Variants in TBXAS1 observed in about 807,000 individuals in gnomAD.
TBXAS1 encodes the protein thromboxane A synthase 1, also known as thromboxane-A synthase.
A neutral mutation model predicts 60.7 loss-of-function variants in TBXAS1; 48 were observed. The observed-to-expected ratio is 0.79, with a 90% CI of 0.63 to 1.01. The LOEUF (loss-of-function observed/expected upper bound fraction) is 1.01, where lower values mean the gene tolerates loss of function less well. Among genes scored for constraint, TBXAS1 ranks in the 50% least tolerant of loss-of-function variants. The pLI is 0.00. For missense variants in TBXAS1, 685 were observed against 686.3 expected, an observed-to-expected ratio of 1.00 and a Z score of 0.02; for synonymous variants, 287 against 269.7, an observed-to-expected ratio of 1.06 and a Z score of -0.63.
At chr7:139,821,918 G>A (rs992789939) in intron 4 of TBXAS1, among the ~76,000 whole-genome samples, 3 of 152,194 alleles carry the variant, frequency 2.0e-5, no homozygotes, top group Non-Finnish European at 4.4e-5. Context: ...AATGCTGTAC[G>A]TCGTTTCCTG....
intron 4 of TBXAS1, among the ~76,000 whole-genome samples, chr7:139,794,195 G>A (rs570916567): frequency 5.3e-5 from 8 of 151,844 alleles, no homozygotes; most frequent in East Asian, 3.9e-4. Context: ...TCTGCCTCCC[G>A]GGTTTAAGCA....
At chr7:139,879,888 G>A (rs901959255) in intron 3 of TBXAS1, among the ~76,000 whole-genome samples, 1 of 141,270 alleles carries the variant, frequency 7.1e-6, no homozygotes, top group African/African-American at 2.6e-5. Context: ...GTTTTGTTTT[G>A]TTTTGCCTTT....
intron 3 of TBXAS1, among the ~76,000 whole-genome samples, chr7:139,881,464 C>CCA (rs1802695881): frequency 2.6e-5 from 4 of 151,272 alleles, no homozygotes; most frequent in African/African-American, 9.8e-5. Context: ...TTCCCCCCCT[C>CCA]CAGGAGGGTA....
intron 1 of TBXAS1, among the ~76,000 whole-genome samples, chr7:139,833,877 C>G (rs1182190577): frequency 6.6e-6 from 1 of 152,040 alleles, no homozygotes; most frequent in East Asian, 1.9e-4. Context: ...TTTCAATATT[C>G]CACCGACAGC....
intron 4 of TBXAS1, among the ~76,000 whole-genome samples, chr7:139,820,479 C>T (rs1798267936): frequency 6.6e-6 from 1 of 152,196 alleles, no homozygotes; most frequent in Non-Finnish European, 1.5e-5. Context: ...TTCAACTCCC[C>T]TGCTGTGTGA....
intron 12 of TBXAS1, 66 bp from the exon 13 acceptor site, chr7:140,019,959 A>C (rs1266138239): frequency 2.4e-5 from 36 of 1,514,942 alleles, no homozygotes; most frequent in Middle Eastern, 1.7e-4. Flanking sequence ...TGAACCTCCA[A>C]GTCTTCATTT....
intron 6 of TBXAS1, 112 bp from the exon 7 acceptor site, chr7:139,955,347 C>T: frequency 7.2e-7 from 1 of 1,398,032 alleles, no homozygotes; most frequent in South Asian, 1.2e-5. Context: ...GACACATCTG[C>T]AGGGCTGGGC....
chr7:139,866,460 A>T (rs1005885472), intron 1 of TBXAS1, among the ~76,000 whole-genome samples: 1 of 152,110 alleles, frequency 6.6e-6, no homozygotes, highest in African/African-American at 2.4e-5. Flanking sequence ...GATAAATAGA[A>T]GTAGAGAAAT....
chr7:140,000,731 G>A (rs1813611611), intron 9 of TBXAS1, among the ~76,000 whole-genome samples: 1 of 152,078 alleles, frequency 6.6e-6, no homozygotes, highest in African/African-American at 2.4e-5. Flanking sequence ...CCCTCTAAGA[G>A]CAGTTATTTT....
rs754170853 is a variant in TBXAS1 at position 140,020,208 on chromosome 7, C to A, written c.*109C>A. 7.8e-5 allele frequency: 82 copies of A among 1,046,894 alleles called. 2 individuals carry two copies. In the South Asian group the frequency reaches 8.3e-4, roughly 11 times the overall value. 64.9% of individuals were successfully genotyped at this position (1,046,894 alleles called of 1,614,324 possible). A position where few individuals can be genotyped will look rare whatever the true frequency, so the allele number is the denominator to read the frequency against. Reference sequence around the variant, plus strand: ...GTCACTGAAGTGATTGAAAGAGTGCCTGGCATGCAAGGATAAGAGGTTCTT... The same window carrying A: ...GTCACTGAAGTGATTGAAAGAGTGCATGGCATGCAAGGATAAGAGGTTCTT... On this transcript the variant is annotated 3_prime_UTR_variant, in exon 13 of 13. Coordinates refer to ENST00000448866, the MANE Select transcript of TBXAS1 (RefSeq NM_001061.7).
chr7:139,805,706 CTT>C (rs748805326), intron 4 of TBXAS1, among the ~76,000 whole-genome samples: 1,753 of 49,366 alleles, frequency 0.036, 20 homozygotes, highest in East Asian at 0.06. Context: ...TTCTTTCTTT[CTT>C]TCTTTCTCTC....
Position 139,957,681 on chromosome 7 carries a change from A to T in TBXAS1, c.736A>T (p.Lys246Ter). 6.2e-7 allele frequency: 1 copy of T among 1,614,154 alleles called. No individual in the cohort carries two copies. Among genetic ancestry groups the T allele is most frequent in the Non-Finnish European group, 8.5e-7 (1 of 1,180,028 alleles). The change falls in exon 8 of 13, where the codon AAG (lysine) becomes TAG (stop). Residue 246 changes from lysine (K) to a stop codon, truncating the protein, a stop_gained. Transcript: ENST00000448866. LOFTEE classifies it high-confidence loss of function. ...CCCACTGGCCCGGATTTTGCCCAAT[A>T]AGAACCGAGACGAACTGAATGGCTT... The part of the protein sequence containing the change: ...MVPLARILPN[K>*]NRDELNGFFN...
At position 139,999,354 on chromosome 7, in the gene TBXAS1, G is replaced by A. The variant is rs114302328; in HGVS notation, c.1135-7737G>A. ...AGCCTGGCCAACATGGTAAAACCCC[G>A]TCTCTATAAAAATACAATAACTACG... On this transcript the variant is annotated intron_variant, in intron 9 of 12. Coordinates refer to ENST00000448866, the MANE Select transcript of TBXAS1 (RefSeq NM_001061.7). The surrounding 1 kb of genome is among the most constrained non-coding windows in gnomAD (Gnocchi z 4.3). Among the ~76,000 whole-genome samples, 264 of 152,272 alleles carry A rather than the reference G, an allele frequency of 1.7e-3. No individual in the cohort carries two copies. Among genetic ancestry groups the A allele is most frequent in the African/African-American group, 5.4e-3 (224 of 41,568 alleles).
chr7:139,943,190 G>C (rs937724002), intron 5 of TBXAS1, among the ~76,000 whole-genome samples: 1 of 152,074 alleles, frequency 6.6e-6, no homozygotes, highest in Admixed American at 6.5e-5. Context: ...TAATCCTCCT[G>C]AACAATAAAA....
intron 11 of TBXAS1, among the ~76,000 whole-genome samples, chr7:140,017,058 A>ATTCAGCAGTTCTGAGG (rs1331441054): frequency 7.9e-5 from 12 of 152,196 alleles, no homozygotes; most frequent in Admixed American, 2.0e-4. Flanking sequence ...TTGGTAGGAG[A>ATTCAGCAGTTCTGAGG]TTCAGCAGTT....
chr7:139,963,288 C>T (rs562584804), intron 9 of TBXAS1, among the ~76,000 whole-genome samples: 42 of 152,292 alleles, frequency 2.8e-4, no homozygotes, highest in Non-Finnish European at 4.3e-4. Flanking sequence ...TGAGCCTAGA[C>T]GGAAGAGTTT....
chr7:139,904,565 G>A (rs375257838), intron 3 of TBXAS1, among the ~76,000 whole-genome samples: 1 of 151,934 alleles, frequency 6.6e-6, no homozygotes, highest in African/African-American at 2.4e-5. Context: ...ATATTGATTC[G>A]ACCCATCCAT....
chr7:139,879,536 ACT>A (rs1344569181), intron 3 of TBXAS1, among the ~76,000 whole-genome samples: 2 of 151,892 alleles, frequency 1.3e-5, no homozygotes, highest in African/African-American at 4.8e-5. Context: ...TCCTTCCCAA[ACT>A]CTGTAAGAAC....
intron 8 of TBXAS1, among the ~76,000 whole-genome samples, chr7:139,959,479 C>T (rs1274045307): frequency 6.6e-6 from 1 of 152,138 alleles, no homozygotes; most frequent in Admixed American, 6.6e-5. Context: ...GGGCAGTGTT[C>T]AGATAGCCTC....
Sources: gnomAD v4.1 joint callset for allele counts (sites outside exome capture counted in the v4.1 genomes callset) on GRCh38, gnomAD v4.1.1 for gene constraint, Gnocchi (gnomAD v3.1) non-coding constraint, MANE v1.5 for transcripts, NCBI Gene and HGNC (gene_info 2026-07-23, HGNC 2026-07-21) for gene names.